SULF2: variants seen among roughly 807,000 people sequenced by gnomAD.
SULF2 encodes sulfatase 2, also known as extracellular sulfatase Sulf-2.
In SULF2, 52 loss-of-function variants were observed where a neutral mutation model predicts 107.7. The ratio of observed to expected loss-of-function variants is 0.48; its 90% CI spans 0.39 to 0.61. The LOEUF is 0.61. SULF2 is among the 20% of genes least tolerant of loss of function. The probability of loss-of-function intolerance (pLI) is 0.00; values close to 1 mark genes in which losing one functional copy is unlikely to be tolerated. For missense variants in SULF2, 993 were observed against 1,177.3 expected (o/e 0.84, Z 2.29); for synonymous variants, 460 against 464.3 (o/e 0.99, Z 0.12).
In SULF2 at chr20:47,705,144, C is replaced by T. The variant is rs762500937; in HGVS notation, c.416-2474G>A. Among the ~76,000 whole-genome samples the T allele has an allele frequency of 4.6e-5, 7 of 152,234 alleles. No homozygotes were observed. In the East Asian group the frequency reaches 7.7e-4, roughly 17 times the overall value. ...AAATGACTTGCCCATCATGCAGGGC[C>T]GGGAGGTGACCGCTCCAGAGGGAGG... On this transcript the variant is annotated intron_variant, in intron 3 of 20. Coordinates refer to ENST00000688720, the MANE Select transcript of SULF2 (RefSeq NM_001387048.1).
intron 1 of SULF2, among the ~76,000 whole-genome samples, chr20:47,761,940 A>G (rs2090427296): frequency 6.6e-6 from 1 of 152,216 alleles, no homozygotes; most frequent in South Asian, 2.1e-4. Context: ...ATGGTAGTGA[A>G]TAAGTCTCAT....
At chr20:47,690,486 C>T (rs985788044) in intron 4 of SULF2, among the ~76,000 whole-genome samples, 191 bp from the exon 5 acceptor site, 3 of 152,172 alleles carry the variant, frequency 2.0e-5, no homozygotes, top group Admixed American at 2.0e-4. Flanking sequence ...AAATGCCAGA[C>T]AAATGATGCA....
At chr20:47,756,034 T>C (rs561079604) in intron 2 of SULF2, among the ~76,000 whole-genome samples, 2 of 152,240 alleles carry the variant, frequency 1.3e-5, no homozygotes, top group East Asian at 3.9e-4. Flanking sequence ...GTGCACTGAA[T>C]GCAACAAATG....
intron 20 of SULF2, among the ~76,000 whole-genome samples, chr20:47,658,762 G>T (rs774233349): frequency 1.3e-5 from 2 of 152,220 alleles, no homozygotes; most frequent in Non-Finnish European, 2.9e-5. Flanking sequence ...ACCAGAGGTT[G>T]CAAGTGGCAG....
chr20:47,677,981 C>T (rs1190204317), intron 8 of SULF2: 3 of 152,282 alleles, frequency 2.0e-5, no homozygotes, highest in African/African-American at 7.2e-5. Context: ...TGAAGTAGCA[C>T]CTGGAGGCCA....
chr20:47,690,374 G>A, intron 4 of SULF2, 79 bp from the exon 5 acceptor site: 2 of 1,179,034 alleles, frequency 1.7e-6, no homozygotes, highest in Non-Finnish European at 2.2e-6. Context: ...CAGGCACCCT[G>A]CTAGGCACTG....
intron 6 of SULF2, 120 bp downstream of exon 6, chr20:47,684,311 T>C: frequency 8.6e-7 from 1 of 1,169,228 alleles, no homozygotes; most frequent in Non-Finnish European, 1.2e-6. Flanking sequence ...ATGGGGCCTC[T>C]TCATTCTGCC....
chr20:47,733,533 A>G (rs4810674), intron 3 of SULF2, among the ~76,000 whole-genome samples: 65,344 of 152,052 alleles, frequency 0.43, 17,995 homozygotes, highest in African/African-American at 0.78. Flanking sequence ...AGCACTTTGG[A>G]AGGCCAAGGC....
chr20:47,774,459 C>G (rs2090689483), intron 1 of SULF2, among the ~76,000 whole-genome samples: 2 of 152,090 alleles, frequency 1.3e-5, no homozygotes. Context: ...GCAAACTGCC[C>G]CTATCTTCTG....
At chr20:47,744,444 G>A (rs999283927) in intron 2 of SULF2, among the ~76,000 whole-genome samples, 1 of 152,104 alleles carries the variant, frequency 6.6e-6, no homozygotes, top group Non-Finnish European at 1.5e-5. Flanking sequence ...AATAAATGCA[G>A]CAAGAGGGCC....
intron 11 of SULF2, among the ~76,000 whole-genome samples, chr20:47,669,683 CCT>C (rs1366128362): frequency 1.3e-5 from 2 of 152,192 alleles, no homozygotes; most frequent in African/African-American, 2.4e-5. Flanking sequence ...TCCATCATCC[CCT>C]GATGATCACC....
chr20:47,657,475 T>C lies in SULF2; in HGVS notation c.*887A>G, dbSNP rs147116229. The C allele has an allele frequency of 1.3e-5, 2 of 152,324 alleles. No homozygotes were observed. Among genetic ancestry groups the C allele is most frequent in the East Asian group, 3.9e-4 (2 of 5,184 alleles). The allele number at this position is 152,324 out of a possible 1,614,324, so 9.4% of individuals were successfully genotyped here. ...CAACTGCTGGTCATTGGCTGGGGTTTTGAACACTGTATGACAATACTTAAA... is the reference window on the plus strand; with the variant it reads ...CAACTGCTGGTCATTGGCTGGGGTTCTGAACACTGTATGACAATACTTAAA... On this transcript the variant is annotated 3_prime_UTR_variant, in exon 21 of 21. Coordinates refer to ENST00000688720, the MANE Select transcript of SULF2 (RefSeq NM_001387048.1).
At chr20:47,778,540 C>T (rs1212120621) in intron 1 of SULF2, among the ~76,000 whole-genome samples, 1 of 152,218 alleles carries the variant, frequency 6.6e-6, no homozygotes, top group Non-Finnish European at 1.5e-5. Flanking sequence ...TTCCAAGAAG[C>T]CCTGGCCTGG....
At chr20:47,663,326 T>C (rs2087148927) in intron 16 of SULF2, 114 bp from the exon 17 acceptor site, 2 of 1,577,482 alleles carry the variant, frequency 1.3e-6, no homozygotes, top group South Asian at 1.1e-5. Flanking sequence ...GCCAAGAGGC[T>C]GTCCCGAGCA....
At chr20:47,683,661 G>T (rs1271279819) in intron 6 of SULF2, among the ~76,000 whole-genome samples, 2 of 152,234 alleles carry the variant, frequency 1.3e-5, no homozygotes, top group Non-Finnish European at 2.9e-5. Flanking sequence ...ACACATATTG[G>T]CTCCAGCCAC....
intron 2 of SULF2, among the ~76,000 whole-genome samples, chr20:47,754,901 C>T (rs2090245325): frequency 6.6e-6 from 1 of 152,136 alleles, no homozygotes; most frequent in Non-Finnish European, 1.5e-5. Flanking sequence ...AGTGGTGTGA[C>T]CTAGGCTCAC....
chr20:47,763,282 A>C (rs1185387951), intron 1 of SULF2, among the ~76,000 whole-genome samples: 2 of 152,074 alleles, frequency 1.3e-5, no homozygotes, highest in African/African-American at 2.4e-5. Context: ...AGCATTTAGA[A>C]ACATCATTTT....
intron 8 of SULF2, 50 bp from the exon 9 acceptor site, chr20:47,677,184 G>A (rs191584734): frequency 1.0e-4 from 162 of 1,603,224 alleles, no homozygotes; most frequent in African/African-American, 9.0e-4. Context: ...GGCTTCCCAC[G>A]ACCCCCCGTT....
intron 10 of SULF2, 88 bp downstream of exon 10, chr20:47,676,403 CCTG>C: frequency 6.8e-7 from 1 of 1,466,272 alleles, no homozygotes; most frequent in Non-Finnish European, 9.1e-7. Context: ...AGGCCCTGGC[CCTG>C]CTGGCTCAGC....
Sources: gnomAD v4.1 joint callset for allele counts (sites outside exome capture counted in the v4.1 genomes callset) on GRCh38, gnomAD v4.1.1 for gene constraint, MANE v1.5 for transcripts, NCBI Gene and HGNC (gene_info 2026-07-23, HGNC 2026-07-21) for gene names.